Variants in WWOX observed in about 807,000 individuals in gnomAD.
WWOX encodes the protein WW domain-containing oxidoreductase.
WWOX carries 69 observed loss-of-function variants against 46.2 expected under a neutral mutation model. That is an observed-to-expected ratio of 1.49 (90% CI 1.23 to 1.82). The LOEUF is 1.82. Ranked by LOEUF, WWOX falls within the 40% of genes most tolerant of loss-of-function variation. The pLI, the probability that WWOX is intolerant of heterozygous loss-of-function variation, is 0.00. For synonymous variants in WWOX, 359 were observed against 202.6 expected (o/e 1.77, Z -6.56); for missense variants, 919 against 542.6 (o/e 1.69, Z -6.89).
intron 8 of WWOX, among the ~76,000 whole-genome samples, chr16:79,103,247 A>C (rs1228837516): frequency 6.6e-6 from 1 of 152,160 alleles, no homozygotes. Flanking sequence ...CCGTGTTTGA[A>C]AGGTTTTCTG....
At chr16:78,920,627 G>A (rs2045356752) in intron 8 of WWOX, among the ~76,000 whole-genome samples, 1 of 152,060 alleles carries the variant, frequency 6.6e-6, no homozygotes, top group Non-Finnish European at 1.5e-5. Context: ...AGAACATCCA[G>A]GTCAGGTACC....
rs139304673 is a variant in WWOX, at chr16:78,839,017, G to A, written c.1057-372591G>A. 4.5e-3 allele frequency among the ~76,000 whole-genome samples: 683 copies of A among 152,240 alleles called. 5 individuals are homozygous for A. The highest frequency in any genetic ancestry group is 7.2e-3 in the Non-Finnish European group (493 of 68,018). On this transcript the variant is annotated intron_variant, in intron 8 of 8. Transcript: ENST00000566780. ...GTCTCAATGTCAATTTCCTGGTTGT[G>A]AAATCGTACTAGAGTTTTGTGAGAT...
intron 8 of WWOX, among the ~76,000 whole-genome samples, chr16:79,021,666 C>A (rs754574618): frequency 6.6e-6 from 1 of 152,178 alleles, no homozygotes; most frequent in Non-Finnish European, 1.5e-5. Flanking sequence ...ACAGATGCTT[C>A]TCACACGATC....
At chr16:78,194,404 A>G (rs190611514) in intron 5 of WWOX, among the ~76,000 whole-genome samples, 16 of 151,792 alleles carry the variant, frequency 1.1e-4, no homozygotes, top group Admixed American at 4.6e-4. Flanking sequence ...CCTGGCCAAC[A>G]TGGTGGAACC....
At chr16:78,533,481 A>T (rs958346340) in intron 8 of WWOX, among the ~76,000 whole-genome samples, 1 of 151,902 alleles carries the variant, frequency 6.6e-6, no homozygotes. Flanking sequence ...GTTGGGCCAG[A>T]TTCAAAGTTG....
At chr16:78,332,104 C>T (rs1016052408) in intron 5 of WWOX, among the ~76,000 whole-genome samples, 1 of 152,144 alleles carries the variant, frequency 6.6e-6, no homozygotes, top group Admixed American at 6.5e-5. Context: ...TGAAAGACAA[C>T]TTAGGTTTGG....
chr16:78,327,725 T>C (rs1417640455), intron 5 of WWOX, among the ~76,000 whole-genome samples: 3 of 152,140 alleles, frequency 2.0e-5, no homozygotes, highest in Admixed American at 2.0e-4. Flanking sequence ...ATAGATAGTC[T>C]TCTCCTTCAG....
chr16:78,577,992 C>G (rs1161320449), intron 8 of WWOX, among the ~76,000 whole-genome samples: 1 of 151,902 alleles, frequency 6.6e-6, no homozygotes, highest in Non-Finnish European at 1.5e-5. Flanking sequence ...CATTTGTCAC[C>G]TAGGTCCAGA....
At chr16:78,868,114 G>A (rs1468082736) in intron 8 of WWOX, among the ~76,000 whole-genome samples, 3 of 152,068 alleles carry the variant, frequency 2.0e-5, no homozygotes, top group East Asian at 1.9e-4. Context: ...ATAGCCAAAC[G>A]CCGGAAATAC....
At chr16:78,769,371 C>T (rs969815860) in intron 8 of WWOX, among the ~76,000 whole-genome samples, 1 of 152,062 alleles carries the variant, frequency 6.6e-6, no homozygotes, top group Non-Finnish European at 1.5e-5. Flanking sequence ...CCCTCTCTTC[C>T]CCTCCTTCCT....
intron 8 of WWOX, among the ~76,000 whole-genome samples, chr16:78,614,100 A>C (rs773845734): frequency 1.3e-5 from 2 of 152,182 alleles, no homozygotes; most frequent in African/African-American, 2.4e-5. Context: ...TGGAGGTAGC[A>C]CCTTGTAATT....
At chr16:78,720,575 G>T (rs370333001) in intron 8 of WWOX, among the ~76,000 whole-genome samples, 4 of 151,780 alleles carry the variant, frequency 2.6e-5, no homozygotes, top group African/African-American at 9.7e-5. Flanking sequence ...GACAGAGCCA[G>T]ATGTTCAGGA....
intron 8 of WWOX, among the ~76,000 whole-genome samples, chr16:78,848,523 G>T (rs2052358037): frequency 6.6e-6 from 1 of 152,168 alleles, no homozygotes; most frequent in South Asian, 2.1e-4. Flanking sequence ...GTGAATGCTG[G>T]GGAATGGAAA....
At chr16:78,870,630 C>G (rs2044106488) in intron 8 of WWOX, among the ~76,000 whole-genome samples, 1 of 152,176 alleles carries the variant, frequency 6.6e-6, no homozygotes, top group African/African-American at 2.4e-5. Flanking sequence ...GAGACGGAAT[C>G]TCACTCTGTT....
chr16:78,916,350 C>G (rs532936368), intron 8 of WWOX, among the ~76,000 whole-genome samples: 1 of 152,298 alleles, frequency 6.6e-6, no homozygotes, highest in Non-Finnish European at 1.5e-5. Context: ...TTTCAAGAAG[C>G]TCGTTCGACA....
chr16:79,092,936 C>G (rs562607669), intron 8 of WWOX, among the ~76,000 whole-genome samples: 27 of 152,238 alleles, frequency 1.8e-4, no homozygotes, highest in South Asian at 1.7e-3. Context: ...GAGTTTTCAT[C>G]TATAATATAG....
intron 8 of WWOX, chr16:78,899,143 A>G (rs62038062): frequency 0.14 from 20,870 of 152,108 alleles, 1,736 homozygotes; most frequent in Non-Finnish European, 0.18. Flanking sequence ...AGGTTTTGAG[A>G]CAGACATCAT....
At chr16:78,164,032 C>G in intron 4 of WWOX, 151 bp from the exon 5 acceptor site, 1 of 749,354 alleles carries the variant, frequency 1.3e-6, no homozygotes, top group South Asian at 1.5e-5. Flanking sequence ...CTGAAAATGT[C>G]TCCAGACATT....
chr16:78,825,463 A>G, intron 8 of WWOX: 1 of 421,718 alleles, frequency 2.4e-6, no homozygotes, highest in Non-Finnish European at 4.8e-6. Flanking sequence ...TCCTGGTGAG[A>G]ACAGCCAGGG....
Sources: allele counts gnomAD v4.1 joint callset (sites outside exome capture counted in the v4.1 genomes callset), GRCh38; gene constraint gnomAD v4.1.1; transcripts MANE v1.5; gene names NCBI Gene and HGNC (gene_info 2026-07-23, HGNC 2026-07-21).